The following CLSTN1 variants were observed in gnomAD, a reference collection of about 807,000 sequenced individuals.
CLSTN1 encodes the protein calsyntenin 1.
CLSTN1 carries 28 observed loss-of-function variants against 108.3 expected under a neutral mutation model. The observed-to-expected ratio is 0.26, with a 90% CI of 0.19 to 0.35. The LOEUF (loss-of-function observed/expected upper bound fraction) is 0.35. Among genes scored for constraint, CLSTN1 ranks in the 10% least tolerant of loss-of-function variants. The pLI is 1.00. For synonymous variants in CLSTN1, 524 were observed against 534.9 expected (o/e 0.98, Z 0.28); for missense variants, 1,157 against 1,302.6 (o/e 0.89, Z 1.72).
At chr1:9,735,758 G>T in intron 12 of CLSTN1, 127 bp downstream of exon 12, 1 of 1,495,260 alleles carries the variant, frequency 6.7e-7, no homozygotes, top group South Asian at 1.2e-5. Flanking sequence ...TAAGTCCAGT[G>T]AACACAACTC....
At chr1:9,756,382 A>G in intron 3 of CLSTN1, 99 bp downstream of exon 3, 2 of 910,558 alleles carry the variant, frequency 2.2e-6, no homozygotes, top group East Asian at 2.4e-5. Context: ...AGGATAAAAG[A>G]GCATGACAGT....
intron 1 of CLSTN1, among the ~76,000 whole-genome samples, chr1:9,784,314 G>A (rs1265038649): frequency 1.3e-5 from 2 of 151,544 alleles, no homozygotes; most frequent in Admixed American, 6.6e-5. Flanking sequence ...CTTGCACTCC[G>A]GCCTGGGTGA....
At chr1:9,732,073 AAAAAAC>A (rs1391156162) in intron 16 of CLSTN1, among the ~76,000 whole-genome samples, 177 bp from the exon 17 acceptor site, 1 of 152,162 alleles carries the variant, frequency 6.6e-6, no homozygotes, top group Admixed American at 6.5e-5. Flanking sequence ...GTAAGCACTT[AAAAAAC>A]AAAAACAAAG....
chr1:9,758,584 G>C (rs1651927771), intron 2 of CLSTN1, among the ~76,000 whole-genome samples: 1 of 152,212 alleles, frequency 6.6e-6, no homozygotes, highest in South Asian at 2.1e-4. Flanking sequence ...AAAGTACTGG[G>C]ATTACAGGCG....
intron 1 of CLSTN1, among the ~76,000 whole-genome samples, chr1:9,791,393 A>G (rs1175251200): frequency 2.6e-5 from 4 of 151,024 alleles, no homozygotes; most frequent in East Asian, 2.0e-4. Flanking sequence ...CACCATGTCC[A>G]GCTAGTTTTA....
rs1009486116 is a variant in CLSTN1 at position 9,823,309 on chromosome 1, A to C, written c.91+334T>G. ...TTCGGCCCGTCTGCACGTTCCCCCA[A>C]ATCAGCGCAGCCACCACCATGGGCT... On this transcript the variant is annotated intron_variant, in intron 1 of 18. Transcript: ENST00000377298. This position sits in a 1 kb window ranked among gnomAD's most constrained non-coding sequence, Gnocchi z 6.3. Among the ~76,000 whole-genome samples, 2 of 152,136 alleles carry C rather than the reference A, an allele frequency of 1.3e-5. No individual in the cohort carries two copies. The highest frequency in any genetic ancestry group is 2.9e-5 in the Non-Finnish European group (2 of 67,994).
At chr1:9,796,963 CAG>C (rs1654036882) in intron 1 of CLSTN1, among the ~76,000 whole-genome samples, 2 of 152,220 alleles carry the variant, frequency 1.3e-5, no homozygotes, top group African/African-American at 4.8e-5. Context: ...GAGATAAATG[CAG>C]AGACTCACAC....
chr1:9,762,418 G>A (rs977793857), intron 2 of CLSTN1, among the ~76,000 whole-genome samples: 4 of 150,830 alleles, frequency 2.7e-5, no homozygotes, highest in South Asian at 2.1e-4. Flanking sequence ...CCGAGATCAC[G>A]CCACTGCACT....
intron 1 of CLSTN1, among the ~76,000 whole-genome samples, chr1:9,821,221 C>T (rs1655177743): frequency 6.6e-6 from 1 of 152,242 alleles, no homozygotes; most frequent in South Asian, 2.1e-4. Flanking sequence ...CAACCTCCGC[C>T]TCCTGGGTTC....
intron 9 of CLSTN1, 57 bp from the exon 10 acceptor site, chr1:9,741,313 T>A: frequency 9.1e-6 from 14 of 1,531,710 alleles, no homozygotes; most frequent in Non-Finnish European, 1.2e-5. Flanking sequence ...TTCTCATCAA[T>A]GCCCATGGAA....
chr1:9,770,477 T>C (rs529880047), intron 2 of CLSTN1, among the ~76,000 whole-genome samples: 1 of 152,360 alleles, frequency 6.6e-6, no homozygotes, highest in Admixed American at 6.5e-5. Context: ...AGCTACGTCA[T>C]CGTAGCAGGC....
chr1:9,792,705 A>G lies in CLSTN1; in HGVS notation c.92-19311T>C, dbSNP rs77601527. ...AATACCCCAGAGAGGATGCGTGAAG[A>G]TGGGTCCCTGAAACAAGAGCACGTT... On this transcript the variant is annotated intron_variant, in intron 1 of 18. Transcript: ENST00000377298. Among the ~76,000 whole-genome samples, 653 of 151,528 alleles carry G rather than the reference A, an allele frequency of 4.3e-3. 40 individuals carry two copies. In the East Asian group the frequency reaches 0.046, roughly 11 times the overall value.
chr1:9,772,128 C>A (rs1413785992), intron 2 of CLSTN1, among the ~76,000 whole-genome samples: 2 of 146,428 alleles, frequency 1.4e-5, no homozygotes, highest in African/African-American at 5.1e-5. Flanking sequence ...AGGCGCCCAC[C>A]ACCACACCCG....
intron 1 of CLSTN1, among the ~76,000 whole-genome samples, chr1:9,788,613 A>T (rs1653606228): frequency 6.6e-6 from 1 of 151,228 alleles, no homozygotes; most frequent in Admixed American, 6.7e-5. Context: ...CACGCCTGTA[A>T]TCCCAGCACT....
chr1:9,731,901 A>G lies in CLSTN1; in HGVS notation c.2428-5T>C. ...GGCCGTGTGGATTACATTCACCTAT[A>G]GCAGAGAAAGAGAGGATCGCTGGAG... is the stretch of plus-strand genomic sequence containing the variant. On this transcript the variant is annotated splice_polypyrimidine_tract_variant and splice_region_variant and intron_variant, in intron 16 of 18. Transcript: ENST00000377298. The G allele has an allele frequency of 6.2e-7, 1 of 1,614,154 alleles. No individual in the cohort carries two copies. Among genetic ancestry groups the G allele is most frequent in the South Asian group, 1.1e-5 (1 of 91,082 alleles).
At chr1:9,808,458 C>T (rs887448090) in intron 1 of CLSTN1, among the ~76,000 whole-genome samples, 1 of 152,114 alleles carries the variant, frequency 6.6e-6, no homozygotes, top group African/African-American at 2.4e-5. Flanking sequence ...CAAATTTCCA[C>T]GGGGAAGATA....
Position 9,751,136 on chromosome 1 carries a change from G to A in CLSTN1, c.649+337C>T, listed in dbSNP as rs563036306. 3.1e-4 allele frequency among the ~76,000 whole-genome samples: 47 copies of A among 152,070 alleles called. 1 individual carries two copies. The highest frequency in any genetic ancestry group is 1.1e-3 in the African/African-American group (46 of 41,490). ...AAAATGAGACAAACTAAATGTAAAG[G>A]TCAGTCTCATTCAGATGCATGTGGA... On this transcript the variant is annotated intron_variant, in intron 5 of 18. Coordinates refer to ENST00000377298, the MANE Select transcript of CLSTN1 (RefSeq NM_001009566.3).
intron 2 of CLSTN1, among the ~76,000 whole-genome samples, chr1:9,771,794 T>C (rs887069256): frequency 6.6e-6 from 1 of 152,184 alleles, no homozygotes; most frequent in Non-Finnish European, 1.5e-5. Context: ...ACAAGCTGGT[T>C]CACGGGTGAC....
At chr1:9,788,189 G>A (rs997754160) in intron 1 of CLSTN1, among the ~76,000 whole-genome samples, 6 of 151,522 alleles carry the variant, frequency 4.0e-5, no homozygotes, top group South Asian at 2.2e-4. Flanking sequence ...CTGGGAGGTC[G>A]AGGCTGCAGT....
Sources: allele counts gnomAD v4.1 joint callset (sites outside exome capture counted in the v4.1 genomes callset), GRCh38; gene constraint gnomAD v4.1.1; non-coding constraint Gnocchi (gnomAD v3.1); transcripts MANE v1.5; gene names NCBI Gene and HGNC (gene_info 2026-07-23, HGNC 2026-07-21).